The following TMEM63A variants were observed in gnomAD, a reference collection of about 807,000 sequenced individuals.
The protein encoded by TMEM63A is transmembrane protein 63A.
In TMEM63A, 76 loss-of-function variants were observed where a neutral mutation model predicts 100.6. That is an observed-to-expected ratio of 0.76 (90% CI 0.63 to 0.91). The LOEUF (loss-of-function observed/expected upper bound fraction) is 0.91, where lower values mean the gene tolerates loss of function less well. Among genes scored for constraint, TMEM63A ranks in the 40% least tolerant of loss-of-function variants. The pLI is 0.00. For synonymous variants in TMEM63A, 401 were observed against 401.1 expected (o/e 1.00, Z 0.00); for missense variants, 876 against 1,008.8 (o/e 0.87, Z 1.78).
Position 225,867,779 on chromosome 1 carries a change from C to G in TMEM63A, c.514+109G>C. The G allele has an allele frequency of 7.1e-7, 1 of 1,412,874 alleles. No homozygotes were observed. 87.5% of individuals were successfully genotyped at this position (1,412,874 alleles called of 1,614,324 possible). ...GAGTCACCCTGAGACCATCTTACAT[C>G]TGAAGTGGGGCATGACTCCTGGGGT... On this transcript the variant is annotated intron_variant, in intron 7 of 24. Coordinates refer to ENST00000366835, the MANE Select transcript of TMEM63A (RefSeq NM_014698.3). This position sits in a 1 kb window ranked among gnomAD's most constrained non-coding sequence, Gnocchi z 4.6.
rs570898993 is a variant in TMEM63A at position 225,881,399 on chromosome 1, A to C, written c.-206+905T>G. On this transcript the variant is annotated intron_variant, in intron 1 of 24. Transcript: ENST00000366835. The stretch of plus-strand genomic sequence containing the variant: ...GACCCGGCCCTAGCAAGCAATTAGA[A>C]GCTGTCTGCCTTTATTTTAAGTCGC... Among the ~76,000 whole-genome samples, 6 of 152,344 alleles carry C rather than the reference A, an allele frequency of 3.9e-5. No homozygotes were observed. In the East Asian group the frequency reaches 1.2e-3, roughly 29 times the overall value.
intron 10 of TMEM63A, chr1:225,863,842 G>A (rs1032248423): frequency 6.8e-6 from 1 of 148,066 alleles, no homozygotes; most frequent in Non-Finnish European, 1.5e-5. Flanking sequence ...CTTGAACCTG[G>A]GAGGCAGAGG....
At chr1:225,844,696 G>A (rs35800728), downstream of TMEM63A, 135 of 1,596,486 alleles carry the variant, frequency 8.5e-5, 2 homozygotes, top group African/African-American at 1.5e-3. Context: ...TGGGCTCCAC[G>A]AAGGGCACTT....
rs138645976 is a variant in TMEM63A at position 225,862,790 on chromosome 1, T to C, written c.808A>G (p.Ile270Val). 1 of 1,613,786 alleles carries C rather than the reference T, an allele frequency of 6.2e-7. No individual in the cohort carries two copies. Among genetic ancestry groups the C allele is most frequent in the African/African-American group, 1.3e-5 (1 of 74,818 alleles). ...ACTCACTTCTCCTTGCACAGGTAGATCAGTTTGGCCACGTTGTAGCACAGC... is the reference window on the plus strand; with the variant it reads ...ACTCACTTCTCCTTGCACAGGTAGACCAGTTTGGCCACGTTGTAGCACAGC... The part of the protein sequence containing the change: ...VQLCYNVAKL[I>V]YLCKEKKKTE... Residue 270 changes from isoleucine to valine, a missense_variant, in exon 11 of 25, where the codon ATC becomes GTC. Around this residue, in one of 5 missense-constraint regions of TMEM63A, gnomAD observed 487 missense variants for 581.9 expected, o/e 0.84. Coordinates refer to ENST00000366835, the MANE Select transcript of TMEM63A (RefSeq NM_014698.3). This position sits in a 1 kb window ranked among gnomAD's most constrained non-coding sequence, Gnocchi z 5.1.
At position 225,853,628 on chromosome 1, in the gene TMEM63A, C is replaced by T. The variant is rs769234281; in HGVS notation, c.1797+1G>A. ...ACAGCCCTGGGCCCAGGGGATGGCACCTGCTTGACATTCCTGCGGTCAGCA... is the reference window on the plus strand; with the variant it reads ...ACAGCCCTGGGCCCAGGGGATGGCATCTGCTTGACATTCCTGCGGTCAGCA... On this transcript the variant is annotated splice_donor_variant, in intron 19 of 24. Coordinates refer to ENST00000366835, the MANE Select transcript of TMEM63A (RefSeq NM_014698.3). LOFTEE classifies it high-confidence loss of function. This position sits in a 1 kb window ranked among gnomAD's most constrained non-coding sequence, Gnocchi z 4.0. 78 of 1,559,532 alleles carry T rather than the reference C, an allele frequency of 5.0e-5. No homozygotes were observed. The highest frequency in any genetic ancestry group is 8.7e-6 in the Non-Finnish European group (10 of 1,151,410).
In TMEM63A at chr1:225,853,013, C is replaced by A. The variant is rs1453167889; in HGVS notation, c.1798-244G>T. 6.6e-6 allele frequency among the ~76,000 whole-genome samples: 1 copy of A among 152,222 alleles called. No homozygotes were observed. Among genetic ancestry groups the A allele is most frequent in the Non-Finnish European group, 1.5e-5 (1 of 68,040 alleles). ...TGCTCCCTTCGTTCCACCCAACAGG[C>A]ATGTGAGCCCCTGGAGGGAAGAGGT... On this transcript the variant is annotated intron_variant, in intron 19 of 24. Transcript: ENST00000366835. This position sits in a 1 kb window ranked among gnomAD's most constrained non-coding sequence, Gnocchi z 4.0.
chr1:225,859,631 T>G, intron 14 of TMEM63A: 1 of 403,940 alleles, frequency 2.5e-6, no homozygotes. Context: ...CAGCATGGCA[T>G]TTATTTTTTC....
At chr1:225,868,098 C>G (rs1670306618) in intron 6 of TMEM63A, 68 bp from the exon 7 acceptor site, 1 of 1,581,652 alleles carries the variant, frequency 6.3e-7, no homozygotes, top group African/African-American at 1.3e-5. Flanking sequence ...TGAAGTGTCT[C>G]ATATCATCCT....
chr1:225,874,257 C>A (rs777049869), intron 4 of TMEM63A, 31 bp downstream of exon 4: 2 of 1,606,060 alleles, frequency 1.2e-6, no homozygotes, highest in Non-Finnish European at 1.7e-6. Flanking sequence ...TACGCACACG[C>A]ATGCTCACAG....
intron 10 of TMEM63A, chr1:225,864,994 GTC>G (rs1670129322): frequency 6.6e-6 from 1 of 152,208 alleles, no homozygotes. Flanking sequence ...GGTGCCATGT[GTC>G]TGCAGTCCCA....
At chr1:225,841,601 C>CT (rs35827447), downstream of TMEM63A, among the ~76,000 whole-genome samples, 25,571 of 104,394 alleles carry the variant, frequency 0.24, 3,608 homozygotes, top group African/African-American at 0.26. Flanking sequence ...CTGTCCCAGC[C>CT]TTTTTTTTTT....
At chr1:225,844,653 C>T (rs372006944), downstream of TMEM63A, 47 of 1,612,970 alleles carry the variant, frequency 2.9e-5, no homozygotes, top group African/African-American at 5.9e-4. Flanking sequence ...GAACAGGGGC[C>T]TCTGAGGCTG....
intron 18 of TMEM63A, 69 bp downstream of exon 18, chr1:225,855,809 T>G: frequency 4.1e-6 from 6 of 1,472,016 alleles, no homozygotes; most frequent in Non-Finnish European, 5.7e-6. Flanking sequence ...CCCATCCCAC[T>G]GCAGCCCCAG....
rs1341125155 is a variant in TMEM63A, at chr1:225,860,965, T to C, written c.1118A>G (p.Gln373Arg). The C allele has an allele frequency of 6.2e-7, 1 of 1,612,550 alleles. No homozygotes were observed. Among genetic ancestry groups the C allele is most frequent in the East Asian group, 2.2e-5 (1 of 44,754 alleles). ...ILKDFNACKC[Q>R]SLQCKGEPQP... ...GGGCTCACCTTTGCACTGAAGGCTC[T>C]GACACTTGCAGGCATTGAAATCTTT... Residue 373 changes from glutamine (Q) to arginine (R), a missense_variant, in exon 14 of 25, where the codon CAG (glutamine) becomes CGG (arginine). Around this residue, in one of 5 missense-constraint regions of TMEM63A, gnomAD observed 487 missense variants for 581.9 expected, o/e 0.84. Transcript: ENST00000366835.
intron 23 of TMEM63A, 81 bp downstream of exon 23, chr1:225,848,411 C>G: frequency 1.4e-6 from 2 of 1,440,468 alleles, no homozygotes; most frequent in Non-Finnish European, 1.9e-6. Flanking sequence ...CAAAGATTTG[C>G]CGGGGCCCAT....
rs947449115 is a variant in TMEM63A at position 225,849,990 on chromosome 1, A to T, written c.1993T>A (p.Phe665Ile). Residue 665 changes from phenylalanine (F) to isoleucine (I), a missense_variant, in exon 21 of 25, where the codon TTT becomes ATT. By Grantham distance (21) the Phe-to-Ile change is conservative. This residue lies in a region of TMEM63A where 339 missense variants were observed against 342.3 expected (regional missense o/e 0.99). Coordinates refer to ENST00000366835, the MANE Select transcript of TMEM63A (RefSeq NM_014698.3). ...GCCAAGGCCTGGTTCACAGCGGCAA[A>T]GTGGATCCCCTTCTCCAGCTTGGCT... ...LPAKLEKGIHFAAVNQALAAP... is the reference protein window; with the variant it reads ...LPAKLEKGIHIAAVNQALAAP... 1 of 1,614,232 alleles carries T rather than the reference A, an allele frequency of 6.2e-7. No individual in the cohort carries two copies. Among genetic ancestry groups the T allele is most frequent in the Non-Finnish European group, 8.5e-7 (1 of 1,180,040 alleles).
intron 10 of TMEM63A, chr1:225,864,280 T>C (rs1005970351): frequency 2.6e-5 from 4 of 152,242 alleles, no homozygotes; most frequent in African/African-American, 9.6e-5. Flanking sequence ...TAACAGGGCC[T>C]GGATGTGCTT....
chr1:225,867,778 T>C lies in TMEM63A; in HGVS notation c.514+110A>G. The stretch of plus-strand genomic sequence containing the variant: ...AGAGTCACCCTGAGACCATCTTACA[T>C]CTGAAGTGGGGCATGACTCCTGGGG... On this transcript the variant is annotated intron_variant, in intron 7 of 24. Transcript: ENST00000366835. This position sits in a 1 kb window ranked among gnomAD's most constrained non-coding sequence, Gnocchi z 4.6. The C allele has an allele frequency of 1.5e-5, 21 of 1,406,212 alleles. No individual in the cohort carries two copies. The highest frequency in any genetic ancestry group is 2.0e-5 in the Non-Finnish European group (21 of 1,032,116). 87.1% of individuals were successfully genotyped at this position (1,406,212 alleles called of 1,614,324 possible). A position where few individuals can be genotyped will look rare whatever the true frequency, so the allele number is the denominator to read the frequency against.
At chr1:225,877,366 A>G (rs1670857248) in intron 3 of TMEM63A, 29 bp downstream of exon 3, 2 of 1,586,212 alleles carry the variant, frequency 1.3e-6, no homozygotes. Context: ...TAACTGAGGC[A>G]GTGGGACACG....
Sources: gnomAD v4.1 joint callset for allele counts (sites outside exome capture counted in the v4.1 genomes callset) on GRCh38, gnomAD v4.1.1 for gene constraint, gnomAD v4.1.1 regional missense constraint, Gnocchi (gnomAD v3.1) non-coding constraint, MANE v1.5 for transcripts, NCBI Gene and HGNC (gene_info 2026-07-23, HGNC 2026-07-21) for gene names.